Variants in HM13 observed in about 807,000 individuals in gnomAD.
The protein encoded by HM13 is histocompatibility minor 13.
In HM13, 18 loss-of-function variants were observed where a neutral mutation model predicts 50.0. The ratio of observed to expected loss-of-function variants is 0.36; its 90% CI spans 0.25 to 0.53. The LOEUF is 0.53. Ranked by LOEUF, HM13 falls within the 20% of genes least tolerant of loss-of-function variation. The probability of loss-of-function intolerance (pLI) is 0.90; values close to 1 mark genes in which losing one functional copy is unlikely to be tolerated. For synonymous variants in HM13, 197 were observed against 232.6 expected (o/e 0.85, Z 1.39); for missense variants, 393 against 552.4 (o/e 0.71, Z 2.89).
At chr20:31,554,525 A>G in intron 7 of HM13, 1 of 473,342 alleles carries the variant, frequency 2.1e-6, no homozygotes, top group South Asian at 2.2e-5. Flanking sequence ...TACTAAAAAT[A>G]CAAAAAATTA....
At position 31,569,102 on chromosome 20, in the gene HM13, T is replaced by TG. The variant is rs756725700; in HGVS notation, c.1182-18_1182-17insG. On this transcript the variant is annotated splice_polypyrimidine_tract_variant and intron_variant, in intron 12 of 12. Transcript: ENST00000398174. ...CCTCTAAATGAATTTTTATTGTTGT[T>TG]TTTTTTTTTTTGGTCAGTTATGAGG... 72 of 1,348,836 alleles carry TG rather than the reference T, an allele frequency of 5.3e-5. No homozygotes were observed. The African/African-American group carries it at 6.6e-4, about 12-fold the overall frequency. The allele number at this position is 1,348,836 out of a possible 1,614,324, so 83.6% of individuals were successfully genotyped here.
At position 31,551,521 on chromosome 20, in the gene HM13, A is replaced by C. The variant is rs142529415; in HGVS notation, c.724+1400A>C. Reference sequence around the variant, plus strand: ...AACTGTGTCACAGGCCCAAGTCTAAACCATTCACCAGTGAGGGGGATAGGA... The same window carrying C: ...AACTGTGTCACAGGCCCAAGTCTAACCCATTCACCAGTGAGGGGGATAGGA... On this transcript the variant is annotated intron_variant, in intron 7 of 12. Coordinates refer to ENST00000398174, the MANE Select transcript of HM13 (RefSeq NM_178581.3). 9.3e-3 allele frequency among the ~76,000 whole-genome samples: 1,411 copies of C among 152,310 alleles called. 7 individuals are homozygous for C. The highest frequency in any genetic ancestry group is 0.015 in the Non-Finnish European group (1,020 of 68,024).
intron 2 of HM13, among the ~76,000 whole-genome samples, chr20:31,528,808 C>G (rs955758368): frequency 6.6e-6 from 1 of 152,160 alleles, no homozygotes; most frequent in East Asian, 1.9e-4. Context: ...CAAGATTTCG[C>G]TTTGTTGCCC....
intron 1 of HM13, among the ~76,000 whole-genome samples, chr20:31,516,787 A>G (rs1223378081): frequency 1.3e-5 from 2 of 152,184 alleles, no homozygotes; most frequent in African/African-American, 2.4e-5. Flanking sequence ...TGAATTTACA[A>G]ACAGGACCTG....
At chr20:31,560,627 G>A (rs1256260620) in intron 9 of HM13, among the ~76,000 whole-genome samples, 1 of 152,228 alleles carries the variant, frequency 6.6e-6, no homozygotes, top group African/African-American at 2.4e-5. Flanking sequence ...GTAATACAAA[G>A]TGAAACCCAT....
chr20:31,545,250 G>T (rs1023708891), intron 4 of HM13, among the ~76,000 whole-genome samples: 6 of 151,702 alleles, frequency 4.0e-5, no homozygotes, highest in African/African-American at 1.5e-4. Context: ...TTTTGTTTTT[G>T]TTTTTTTTCC....
chr20:31,546,328 G>A (rs939355611), intron 4 of HM13, among the ~76,000 whole-genome samples: 2 of 152,070 alleles, frequency 1.3e-5, no homozygotes, highest in African/African-American at 2.4e-5. Context: ...GAGCCACCGC[G>A]CCCGGCCGTA....
chr20:31,552,290 A>G (rs1377780460), intron 7 of HM13, among the ~76,000 whole-genome samples: 1 of 152,168 alleles, frequency 6.6e-6, no homozygotes, highest in Non-Finnish European at 1.5e-5. Context: ...CAGCTTCAGC[A>G]AAGGGCTGGA....
At chr20:31,541,647 A>G (rs758385767) in intron 3 of HM13, 3 of 152,272 alleles carry the variant, frequency 2.0e-5, no homozygotes, top group Non-Finnish European at 4.4e-5. Context: ...AACTGAATCC[A>G]GTGAAAATAA....
chr20:31,516,116 C>T (rs1435222944), intron 1 of HM13, among the ~76,000 whole-genome samples: 5 of 152,184 alleles, frequency 3.3e-5, no homozygotes, highest in Non-Finnish European at 7.3e-5. Flanking sequence ...TTTTATTTGG[C>T]TTTTTCTAAG....
At chr20:31,548,869 C>T (rs1983862827) in intron 4 of HM13, 160 bp from the exon 5 acceptor site, 1 of 700,190 alleles carries the variant, frequency 1.4e-6, no homozygotes, top group African/African-American at 1.8e-5. Flanking sequence ...GAGCTCTCCC[C>T]TTCTGAAACT....
Position 31,514,519 on chromosome 20 carries a change from G to T in HM13, c.-33G>T. The stretch of plus-strand genomic sequence containing the variant: ...GCCTGCGTCCCTGCTGCAGCAACCG[G>T]AGCTGGAGTCGGATCCCGAACGCAC... On this transcript the variant is annotated 5_prime_UTR_variant, in exon 1 of 13. Transcript: ENST00000398174. The surrounding 1 kb of genome is among the most constrained non-coding windows in gnomAD (Gnocchi z 4.3). 2 of 1,590,296 alleles carry T rather than the reference G, an allele frequency of 1.3e-6. No individual in the cohort carries two copies. The highest frequency in any genetic ancestry group is 1.1e-5 in the South Asian group (1 of 87,430).
At chr20:31,556,944 G>A (rs748451837) in intron 8 of HM13, among the ~76,000 whole-genome samples, 3 of 151,276 alleles carry the variant, frequency 2.0e-5, no homozygotes, top group African/African-American at 4.9e-5. Context: ...GCATGAACCC[G>A]GGAGGTGGAG....
intron 8 of HM13, among the ~76,000 whole-genome samples, chr20:31,556,199 C>T (rs904560388): frequency 7.3e-5 from 11 of 151,374 alleles, no homozygotes; most frequent in Non-Finnish European, 1.0e-4. Context: ...CCACCACGCC[C>T]GGCTGATTTT....
chr20:31,567,940 C>A, intron 11 of HM13, 138 bp from the exon 12 acceptor site: 1 of 726,238 alleles, frequency 1.4e-6, no homozygotes, highest in Non-Finnish European at 2.2e-6. Flanking sequence ...CAGCTTCTTT[C>A]CATAAAATCT....
At chr20:31,545,360 C>T (rs1313708535) in intron 4 of HM13, among the ~76,000 whole-genome samples, 1 of 129,950 alleles carries the variant, frequency 7.7e-6, no homozygotes, top group African/African-American at 4.5e-5. Context: ...GTGCCTGGCT[C>T]ATAGTAAGCA....
chr20:31,561,830 T>C (rs889831479), intron 10 of HM13, 94 bp downstream of exon 10: 1 of 842,928 alleles, frequency 1.2e-6, no homozygotes, highest in South Asian at 1.4e-5. Flanking sequence ...AGTCCAGAGA[T>C]AGGCACTCCC....
chr20:31,549,372 G>T (rs749319575), intron 6 of HM13, 40 bp downstream of exon 6: 1 of 1,612,732 alleles, frequency 6.2e-7, no homozygotes, highest in East Asian at 2.2e-5. Flanking sequence ...TGGCTCCGGG[G>T]CCATCTCATC....
intron 11 of HM13, among the ~76,000 whole-genome samples, chr20:31,566,883 G>A (rs971812695): frequency 1.3e-5 from 2 of 151,988 alleles, no homozygotes; most frequent in Non-Finnish European, 1.5e-5. Context: ...CAAGGCCTGC[G>A]TGACTCCAAC....
Sources: allele counts gnomAD v4.1 joint callset (sites outside exome capture counted in the v4.1 genomes callset), GRCh38; gene constraint gnomAD v4.1.1; non-coding constraint Gnocchi (gnomAD v3.1); transcripts MANE v1.5; gene names NCBI Gene and HGNC (gene_info 2026-07-23, HGNC 2026-07-21).